The following RDX variants were observed in gnomAD, a reference collection of about 807,000 sequenced individuals.
RDX encodes the protein radixin, also known as deafness, autosomal recessive 24.
A neutral mutation model predicts 83.7 loss-of-function variants in RDX; 32 were observed. That is an observed-to-expected ratio of 0.38 (90% CI 0.29 to 0.51). The LOEUF (loss-of-function observed/expected upper bound fraction) is 0.51. RDX is among the 20% of genes least tolerant of loss of function. RDX has a pLI of 0.87. For missense variants in RDX, 600 were observed against 689.9 expected (o/e 0.87, Z 1.46); for synonymous variants, 229 against 222.7 (o/e 1.03, Z -0.25).
At chr11:110,295,905 T>G (rs1249843707) in intron 1 of RDX, among the ~76,000 whole-genome samples, 4 of 152,144 alleles carry the variant, frequency 2.6e-5, no homozygotes, top group Non-Finnish European at 5.9e-5. Flanking sequence ...CCCCAAAGCC[T>G]GTCATGCAAC....
At chr11:110,277,777 C>T (rs1166174227) in intron 2 of RDX, among the ~76,000 whole-genome samples, 1 of 150,572 alleles carries the variant, frequency 6.6e-6, no homozygotes, top group African/African-American at 2.4e-5. Flanking sequence ...GTTTTTATTG[C>T]TGTCTTTCAA....
intron 2 of RDX, among the ~76,000 whole-genome samples, chr11:110,276,266 AATTT>A (rs906042454): frequency 1.3e-5 from 2 of 152,248 alleles, no homozygotes; most frequent in African/African-American, 4.8e-5. Context: ...ATCCCAACAT[AATTT>A]ATTAATTAGT....
rs114910823 is a variant in RDX at position 110,278,017 on chromosome 11, C to A, written c.12+1664G>T. On this transcript the variant is annotated intron_variant, in intron 2 of 13. Coordinates refer to ENST00000645495, the MANE Select transcript of RDX (RefSeq NM_002906.4). ...TGTTCATGTTTTTCTGTATGGATAA[C>A]CCTTTGTGCCAATACCATTTGTTGA... is the stretch of plus-strand genomic sequence containing the variant. Among the ~76,000 whole-genome samples, 972 of 152,250 alleles carry A rather than the reference C, an allele frequency of 6.4e-3. 12 individuals carry two copies. Among genetic ancestry groups the A allele is most frequent in the African/African-American group, 0.023 (938 of 41,544 alleles).
chr11:110,265,113 T>TTG (rs200768037), intron 3 of RDX, among the ~76,000 whole-genome samples: 115 of 117,874 alleles, frequency 9.8e-4, no homozygotes, highest in African/African-American at 3.2e-3. Context: ...TTTTTTGTTT[T>TTG]TTTTTTTTTT....
At chr11:110,176,319 C>T (rs1018599491) in intron 15 of RDX, among the ~76,000 whole-genome samples, 12 of 152,266 alleles carry the variant, frequency 7.9e-5, no homozygotes, top group Admixed American at 5.9e-4. Context: ...CTGCCTCAGC[C>T]TCCTAAGGTA....
chr11:110,240,387 G>A (rs929903428), intron 10 of RDX, among the ~76,000 whole-genome samples: 4 of 152,106 alleles, frequency 2.6e-5, no homozygotes, highest in Non-Finnish European at 5.9e-5. Context: ...TGGGTGGGGG[G>A]AGTTGAAGGG....
chr11:110,217,252 T>C (rs973961905), intron 14 of RDX, among the ~76,000 whole-genome samples: 26 of 152,344 alleles, frequency 1.7e-4, no homozygotes, highest in Admixed American at 9.1e-4. Flanking sequence ...AAAATTGCTG[T>C]TTTTACAGGT....
At chr11:110,179,456 C>T (rs1337880013) in intron 15 of RDX, among the ~76,000 whole-genome samples, 2 of 152,220 alleles carry the variant, frequency 1.3e-5, no homozygotes, top group African/African-American at 4.8e-5. Flanking sequence ...AATCCTGCCT[C>T]CACAGAGTAA....
chr11:110,248,641 ACT>A lies in RDX; in HGVS notation c.960-810_960-809del, dbSNP rs58609455. ...GATTTACCATTTGCATACGGGATGA[ACT>A]CTGACAACAAATTAAATGTCAGCAC... is the stretch of plus-strand genomic sequence containing the variant. On this transcript the variant is annotated intron_variant, in intron 9 of 13. Coordinates refer to ENST00000645495, the MANE Select transcript of RDX (RefSeq NM_002906.4). 6.6e-3 allele frequency among the ~76,000 whole-genome samples: 1,008 copies of A among 152,306 alleles called. 14 individuals are homozygous for A. Among genetic ancestry groups the A allele is most frequent in the African/African-American group, 0.023 (974 of 41,568 alleles).
chr11:110,285,857 T>G (rs1860960816), intron 1 of RDX, among the ~76,000 whole-genome samples: 1 of 151,936 alleles, frequency 6.6e-6, no homozygotes, highest in Non-Finnish European at 1.5e-5. Flanking sequence ...ATGCATATCC[T>G]GGGGTTCCAT....
At chr11:110,216,964 A>G (rs1400822314) in intron 14 of RDX, among the ~76,000 whole-genome samples, 3 of 152,184 alleles carry the variant, frequency 2.0e-5, no homozygotes, top group Non-Finnish European at 2.9e-5. Flanking sequence ...TACCTACCCC[A>G]TATGTAAAGG....
At chr11:110,247,630 C>G (rs1859160871) in intron 10 of RDX, 73 bp downstream of exon 10, 1 of 1,492,156 alleles carries the variant, frequency 6.7e-7, no homozygotes, top group Admixed American at 1.8e-5. Context: ...TTTAAGAGTA[C>G]TAAAAAAAAT....
At chr11:110,265,309 C>T (rs905824529) in intron 3 of RDX, among the ~76,000 whole-genome samples, 1 of 151,852 alleles carries the variant, frequency 6.6e-6, no homozygotes, top group Non-Finnish European at 1.5e-5. Flanking sequence ...CCAGGTTGGT[C>T]TCAAACTCCT....
chr11:110,199,676 C>T lies in RDX; in HGVS notation c.1751G>A (p.Trp584Ter), dbSNP rs1484206980. 1 of 702,994 alleles carries T rather than the reference C, an allele frequency of 1.4e-6. No individual in the cohort carries two copies. The highest frequency in any genetic ancestry group is 2.6e-6 in the Non-Finnish European group (1 of 384,982). 43.5% of individuals were successfully genotyped at this position (702,994 alleles called of 1,614,324 possible). A position where few individuals can be genotyped will look rare whatever the true frequency, so the allele number is the denominator to read the frequency against. Residue 584 changes from tryptophan (W) to a stop codon, truncating the protein, a stop_gained and splice_region_variant, in exon 15 of 16, where the codon TGG becomes TAG. Coordinates refer to the RDX transcript ENST00000528498. LOFTEE classifies it high-confidence loss of function. Reference sequence around the variant, plus strand: ...GAACAATGCATACAGTTTGGGTCCCCACCTTTCAAAAGAGACATTAAGAGA... The same window carrying T: ...GAACAATGCATACAGTTTGGGTCCCTACCTTTCAAAAGAGACATTAAGAGA...
At chr11:110,252,141 A>C (rs1565315719) in intron 9 of RDX, among the ~76,000 whole-genome samples, 1 of 152,198 alleles carries the variant, frequency 6.6e-6, no homozygotes, top group African/African-American at 2.4e-5. Flanking sequence ...CTAGGCATTC[A>C]AACTGAATAA....
intron 15 of RDX, among the ~76,000 whole-genome samples, chr11:110,179,257 T>C (rs1248485884): frequency 6.6e-6 from 1 of 152,158 alleles, no homozygotes; most frequent in Non-Finnish European, 1.5e-5. Flanking sequence ...CCTGTAACCA[T>C]CCATCACACG....
In RDX at chr11:110,216,065, G is replaced by C. The variant is rs1280257453; in HGVS notation, c.1748+15808C>G. 2.0e-5 allele frequency among the ~76,000 whole-genome samples: 3 copies of C among 152,088 alleles called. No homozygotes were observed. In the East Asian group the frequency reaches 5.8e-4, roughly 29 times the overall value. On this transcript the variant is annotated intron_variant, in intron 14 of 15. Coordinates refer to the RDX transcript ENST00000528498. The stretch of plus-strand genomic sequence containing the variant: ...GCTCGATTCTGGTAGCAATGTTTTT[G>C]TCCTACAGGGCCAAACTGCTCAGTG...
chr11:110,274,456 T>C (rs115638762), intron 2 of RDX, among the ~76,000 whole-genome samples: 6,183 of 152,264 alleles, frequency 0.041, 240 homozygotes, highest in African/African-American at 0.096. Context: ...GTTTTCTTTC[T>C]TGATGTGGGC....
intron 13 of RDX, among the ~76,000 whole-genome samples, 172 bp from the exon 14 acceptor site, chr11:110,232,205 T>C (rs1219828440): frequency 6.6e-6 from 1 of 152,206 alleles, no homozygotes; most frequent in East Asian, 1.9e-4. Flanking sequence ...AAGGGAGGAA[T>C]ACACATGGCC....
Sources: gnomAD v4.1 joint callset for allele counts (sites outside exome capture counted in the v4.1 genomes callset) on GRCh38, gnomAD v4.1.1 for gene constraint, MANE v1.5 for transcripts, NCBI Gene and HGNC (gene_info 2026-07-23, HGNC 2026-07-21) for gene names.